The following ARHGEF7 variants were observed in gnomAD, a reference collection of about 807,000 sequenced individuals.
ARHGEF7 encodes PAK-interacting exchange factor beta.
In ARHGEF7, 33 loss-of-function variants were observed where a neutral mutation model predicts 109.8. That is an observed-to-expected ratio of 0.30 (90% CI 0.23 to 0.40). The LOEUF (loss-of-function observed/expected upper bound fraction) is 0.40, where lower values mean the gene tolerates loss of function less well. Among genes scored for constraint, ARHGEF7 ranks in the 10% least tolerant of loss-of-function variants. The pLI, the probability that ARHGEF7 is intolerant of heterozygous loss-of-function variation, is 1.00. For synonymous variants in ARHGEF7, 458 were observed against 424.6 expected (o/e 1.08, Z -0.97); for missense variants, 938 against 1,098.5 (o/e 0.85, Z 2.07).
chr13:111,280,629 G>C lies in ARHGEF7; in HGVS notation c.1677G>C (p.Thr559=), dbSNP rs772936008. 1 of 1,611,642 alleles carries C rather than the reference G, an allele frequency of 6.2e-7. No individual in the cohort carries two copies. Among genetic ancestry groups the C allele is most frequent in the Non-Finnish European group, 8.5e-7 (1 of 1,179,176 alleles). ...VEHLQKQTKV[T]SVGNPTIKPH... The stretch of plus-strand genomic sequence containing the variant: ...ACCTACAGAAGCAAACGAAGGTCAC[G>C]TCTGTGGGAAACCCCACCATAAAGC... Residue 559 remains threonine (T), a synonymous_variant, in exon 15 of 22, where the codon ACG becomes ACC. Coordinates refer to ENST00000646102, the MANE Select transcript of ARHGEF7 (RefSeq NM_001354046.2).
At chr13:111,117,281 A>T (rs1246367747) in intron 1 of ARHGEF7, among the ~76,000 whole-genome samples, 4 of 152,248 alleles carry the variant, frequency 2.6e-5, no homozygotes. Context: ...TTTCTTTTAA[A>T]TTATAGAAAG....
At chr13:111,172,249 T>C (rs2077671134) in intron 2 of ARHGEF7, among the ~76,000 whole-genome samples, 1 of 152,170 alleles carries the variant, frequency 6.6e-6, no homozygotes, top group South Asian at 2.1e-4. Context: ...CTTTAGAGCA[T>C]AGTCTCTTTG....
chr13:111,283,471 C>T (rs1310600639), intron 16 of ARHGEF7, 108 bp downstream of exon 16: 1 of 1,443,278 alleles, frequency 6.9e-7, no homozygotes, highest in African/African-American at 1.4e-5. Flanking sequence ...CACCCTAACT[C>T]CTAGAGAACT....
rs1024444180 is a variant in ARHGEF7, at chr13:111,283,383, C to CA, written c.1950+23dup. ...AAGGAGGTGAGGTCCCTTGACCACT[C>CA]AAACAGCCAGATGACGGTGAGCATG... On this transcript the variant is annotated intron_variant, in intron 16 of 21. Transcript: ENST00000646102. The CA allele has an allele frequency of 7.9e-5, 121 of 1,537,780 alleles. No individual in the cohort carries two copies. The highest frequency in any genetic ancestry group is 1.0e-4 in the Non-Finnish European group (115 of 1,145,930).
intron 1 of ARHGEF7, among the ~76,000 whole-genome samples, chr13:111,143,317 A>G (rs964733903): frequency 6.6e-6 from 1 of 152,220 alleles, no homozygotes; most frequent in Non-Finnish European, 1.5e-5. Context: ...GACAATGACT[A>G]CACAGCTAGT....
intron 8 of ARHGEF7, among the ~76,000 whole-genome samples, chr13:111,256,500 T>C (rs2090439610): frequency 6.6e-6 from 1 of 152,212 alleles, no homozygotes; most frequent in African/African-American, 2.4e-5. Flanking sequence ...AGCTCCTGCC[T>C]CTGAAGTCAG....
rs1234144566 is a variant in ARHGEF7 at position 111,283,312 on chromosome 13, C to T, written c.1899C>T (p.Cys633=). The change falls in exon 16 of 22, where the codon TGC becomes TGT. Residue 633 remains cysteine (C), a synonymous_variant. Coordinates refer to ENST00000646102, the MANE Select transcript of ARHGEF7 (RefSeq NM_001354046.2). ...CACCCAAGCCCTGGAGCCTGAGCTG[C>T]CTGCGGCCCGCGCCTCCCCTCCGGC... ...PKTPKPWSLS[C]LRPAPPLRPS... 6.4e-7 allele frequency: 1 copy of T among 1,568,448 alleles called. No homozygotes were observed. The highest frequency in any genetic ancestry group is 1.2e-5 in the South Asian group (1 of 86,258).
At chr13:111,176,849 C>T (rs547550467) in intron 2 of ARHGEF7, among the ~76,000 whole-genome samples, 128 of 152,304 alleles carry the variant, frequency 8.4e-4, no homozygotes, top group Admixed American at 2.2e-3. Flanking sequence ...CTCTGCCTCC[C>T]GGATTCAAGC....
At chr13:111,186,061 T>A (rs2079226677) in intron 2 of ARHGEF7, among the ~76,000 whole-genome samples, 1 of 151,610 alleles carries the variant, frequency 6.6e-6, no homozygotes, top group South Asian at 2.1e-4. Flanking sequence ...AGGTACGGGC[T>A]GTGTGGGCCA....
At chr13:111,263,569 C>T (rs747972958) in intron 8 of ARHGEF7, among the ~76,000 whole-genome samples, 21 of 152,220 alleles carry the variant, frequency 1.4e-4, no homozygotes, top group Non-Finnish European at 2.9e-4. Context: ...GAATTTAACC[C>T]ATTGTGGGTA....
intron 2 of ARHGEF7, among the ~76,000 whole-genome samples, chr13:111,198,645 C>G (rs1594614424): frequency 6.6e-6 from 1 of 152,228 alleles, no homozygotes; most frequent in South Asian, 2.1e-4. Flanking sequence ...GCTGCAGACC[C>G]TTGCGGTGAG....
chr13:111,152,232 T>G (rs539206900), intron 1 of ARHGEF7, among the ~76,000 whole-genome samples: 20 of 152,280 alleles, frequency 1.3e-4, no homozygotes, highest in African/African-American at 4.8e-4. Context: ...ATGGGTATTA[T>G]GTTTCTATTA....
chr13:111,295,208 T>C (rs2093400908), intron 19 of ARHGEF7: 1 of 985,514 alleles, frequency 1.0e-6, no homozygotes. Context: ...TGGCTTTTAA[T>C]ATTTGTTACA....
intron 6 of ARHGEF7, among the ~76,000 whole-genome samples, chr13:111,242,320 C>A (rs992015628): frequency 6.6e-6 from 1 of 152,118 alleles, no homozygotes; most frequent in Non-Finnish European, 1.5e-5. Flanking sequence ...AGTAGGCAAA[C>A]AGAGTAACGA....
At chr13:111,216,999 T>C (rs2083232459) in intron 4 of ARHGEF7, among the ~76,000 whole-genome samples, 1 of 152,144 alleles carries the variant, frequency 6.6e-6, no homozygotes. Context: ...CAATATTGAG[T>C]GTTGGTGGAA....
intron 5 of ARHGEF7, among the ~76,000 whole-genome samples, chr13:111,224,212 C>T (rs2084881468): frequency 6.8e-6 from 1 of 147,112 alleles, no homozygotes; most frequent in Non-Finnish European, 1.5e-5. Flanking sequence ...CCCACCCACC[C>T]TCACTCTTAC....
rs949097028 is a variant in ARHGEF7 at position 111,255,408 on chromosome 13, T to C, written c.950+11114T>C. Among the ~76,000 whole-genome samples the C allele has an allele frequency of 6.6e-6, 1 of 152,214 alleles. No individual in the cohort carries two copies. Among genetic ancestry groups the C allele is most frequent in the Non-Finnish European group, 1.5e-5 (1 of 68,036 alleles). On this transcript the variant is annotated intron_variant, in intron 8 of 21. Transcript: ENST00000646102. The surrounding 1 kb of genome is among the most constrained non-coding windows in gnomAD (Gnocchi z 4.1). ...TCACCTGCCTCATGTTGCTTGCCCA[T>C]GTCTGTCCCAGTGTCCTCATCTATA...
At chr13:111,293,184 A>G (rs2093342226) in intron 19 of ARHGEF7, 1 of 985,412 alleles carries the variant, frequency 1.0e-6, no homozygotes, top group Non-Finnish European at 1.2e-6. Context: ...AGTGTAGACT[A>G]CTGGACTGTA....
chr13:111,210,280 A>G (rs1483555507), intron 4 of ARHGEF7, among the ~76,000 whole-genome samples: 1 of 152,244 alleles, frequency 6.6e-6, no homozygotes, highest in Admixed American at 6.5e-5. Context: ...CTTTAAAAAA[A>G]CACACCCCTT....
Sources: gnomAD v4.1 joint callset for allele counts (sites outside exome capture counted in the v4.1 genomes callset) on GRCh38, gnomAD v4.1.1 for gene constraint, Gnocchi (gnomAD v3.1) non-coding constraint, MANE v1.5 for transcripts, NCBI Gene and HGNC (gene_info 2026-07-23, HGNC 2026-07-21) for gene names.